The following P2RY12 variants were observed in gnomAD, a reference collection of about 807,000 sequenced individuals.
The protein encoded by P2RY12 is purinergic receptor P2Y12, also known as P2Y purinoceptor 12.
Under a neutral mutation model 4.5 loss-of-function variants are expected in P2RY12, and 3 were observed. The observed-to-expected ratio is 0.67, with a 90% CI of 0.31 to 1.74. P2RY12 has a LOEUF of 1.74. Ranked by LOEUF, P2RY12 falls within the 40% of genes most tolerant of loss-of-function variation. P2RY12 has a pLI of 0.09. For synonymous variants in P2RY12, 148 were observed against 154.1 expected, an observed-to-expected ratio of 0.96 and a Z score of 0.29; for missense variants, 356 against 407.8, an observed-to-expected ratio of 0.87 and a Z score of 1.09.
chr3:151,380,932 A>G (rs1712213798), intron 1 of P2RY12, among the ~76,000 whole-genome samples: 1 of 152,210 alleles, frequency 6.6e-6, no homozygotes, highest in Non-Finnish European at 1.5e-5. Flanking sequence ...CTGTAGGTTC[A>G]GAAACTCAGT....
intron 1 of P2RY12, among the ~76,000 whole-genome samples, chr3:151,362,138 C>T (rs576427056): frequency 5.9e-5 from 9 of 152,092 alleles, no homozygotes; most frequent in Admixed American, 1.3e-4. Context: ...CTCTCTTTAC[C>T]GCTGTGGATA....
At chr3:151,360,823 G>GT (rs1012258696) in intron 1 of P2RY12, among the ~76,000 whole-genome samples, 3 of 151,788 alleles carry the variant, frequency 2.0e-5, no homozygotes, top group South Asian at 2.1e-4. Flanking sequence ...GTGATCATAG[G>GT]TTTTTTTTCC....
intron 1 of P2RY12, among the ~76,000 whole-genome samples, chr3:151,374,608 A>G (rs984950718): frequency 6.6e-6 from 1 of 152,214 alleles, no homozygotes. Context: ...GAACAAACCT[A>G]CCTAAAAGGC....
intron 1 of P2RY12, chr3:151,369,360 G>A: frequency 9.9e-7 from 1 of 1,005,672 alleles, no homozygotes; most frequent in Non-Finnish European, 1.5e-6. Flanking sequence ...ACAATGAAAG[G>A]CTGACTGCCT....
chr3:151,368,610 A>G (rs1202839879), intron 1 of P2RY12, among the ~76,000 whole-genome samples: 2 of 67,648 alleles, frequency 3.0e-5, no homozygotes, highest in African/African-American at 1.4e-4. Flanking sequence ...ATTTTATTTT[A>G]TTTTATTTTA....
rs780489513 is a variant in P2RY12, at chr3:151,338,679, T to C, written c.167A>G (p.Lys56Arg). 3.1e-6 allele frequency: 5 copies of C among 1,613,636 alleles called. No homozygotes were observed. The South Asian group carries it at 4.4e-5, about 14-fold the overall frequency. Residue 56 changes from lysine (K) to arginine (R), a missense_variant, in exon 3 of 3, where the codon AAA becomes AGA. Lys to Arg is a conservative substitution (Grantham distance 26). Coordinates refer to ENST00000302632, the MANE Select transcript of P2RY12 (RefSeq NM_022788.5). Reference sequence around the variant, plus strand: ...CTTAAGAAAAATAATAAAGTTTGATTTACTCCGGATTTGAAAGAAAATCCT... The same window carrying C: ...CTTAAGAAAAATAATAAAGTTTGATCTACTCCGGATTTGAAAGAAAATCCT... ...AMRIFFQIRS[K>R]SNFIIFLKNT...
intron 1 of P2RY12, among the ~76,000 whole-genome samples, chr3:151,353,111 A>G (rs190063138): frequency 2.0e-5 from 3 of 152,318 alleles, no homozygotes; most frequent in Admixed American, 2.0e-4. Flanking sequence ...AGATAAATGG[A>G]GTCCATTAAC....
chr3:151,348,478 T>G (rs1424240794), intron 1 of P2RY12, among the ~76,000 whole-genome samples: 2 of 152,130 alleles, frequency 1.3e-5, no homozygotes, highest in African/African-American at 4.8e-5. Flanking sequence ...TTATGTCATT[T>G]GTATCCTATG....
intron 1 of P2RY12, chr3:151,378,281 G>A (rs1212288206): frequency 3.5e-6 from 4 of 1,136,150 alleles, no homozygotes; most frequent in Non-Finnish European, 3.5e-6. Flanking sequence ...CTGAAATTTA[G>A]TTTTTAAATG....
chr3:151,376,497 T>G (rs1279773137), intron 1 of P2RY12, among the ~76,000 whole-genome samples: 1 of 152,194 alleles, frequency 6.6e-6, no homozygotes, highest in Non-Finnish European at 1.5e-5. Flanking sequence ...ATTAAAGAAA[T>G]ATTGAAATCA....
intron 1 of P2RY12, chr3:151,366,037 T>C: frequency 7.0e-7 from 1 of 1,418,884 alleles, no homozygotes; most frequent in South Asian, 1.7e-5. Context: ...CAATTAAATA[T>C]TTAGTTAGTG....
Position 151,337,175 on chromosome 3 carries a change from TTTC to T in P2RY12, c.*639_*641del, listed in dbSNP as rs1256989691. 1 of 152,124 alleles carries T rather than the reference TTTC, an allele frequency of 6.6e-6. No homozygotes were observed. Among genetic ancestry groups the T allele is most frequent in the African/African-American group, 2.4e-5 (1 of 41,468 alleles). 9.4% of individuals were successfully genotyped at this position (152,124 alleles called of 1,614,324 possible). ...TCTCCTTATTTTAATGACTTCGATA[TTTC>T]TTCTCTTTATTGTAAAGGTCTTCTT... On this transcript the variant is annotated 3_prime_UTR_variant, in exon 3 of 3. Coordinates refer to ENST00000302632, the MANE Select transcript of P2RY12 (RefSeq NM_022788.5).
At chr3:151,383,959 G>A (rs781212706) in intron 1 of P2RY12, 48 of 1,481,802 alleles carry the variant, frequency 3.2e-5, no homozygotes, top group African/African-American at 7.0e-5. Context: ...TACTGATGGC[G>A]ATTTCTGCCA....
At chr3:151,342,473 A>G (rs924183367) in intron 1 of P2RY12, among the ~76,000 whole-genome samples, 1 of 152,222 alleles carries the variant, frequency 6.6e-6, no homozygotes, top group African/African-American at 2.4e-5. Context: ...GGAACTTGCT[A>G]GAAATGCACA....
chr3:151,344,836 A>AGAAAATGTGAGTAAG (rs1752334321), intron 1 of P2RY12, among the ~76,000 whole-genome samples: 1 of 152,240 alleles, frequency 6.6e-6, no homozygotes, highest in South Asian at 2.1e-4. Flanking sequence ...TTGAAATATC[A>AGAAAATGTGAGTAAG]GAAAATGTGA....
In P2RY12 at chr3:151,337,546, C is replaced by T. The variant is rs1751177231; in HGVS notation, c.*271G>A. 2 of 357,270 alleles carry T rather than the reference C, an allele frequency of 5.6e-6. No homozygotes were observed. Among genetic ancestry groups the T allele is most frequent in the East Asian group, 1.0e-4 (2 of 19,626 alleles). 22.1% of individuals were successfully genotyped at this position (357,270 alleles called of 1,614,324 possible). On this transcript the variant is annotated 3_prime_UTR_variant, in exon 3 of 3. Transcript: ENST00000302632. Reference sequence around the variant, plus strand: ...CTCATTTTGGCAAAACTCTGCAAAACATGAATTCTGTGTAGTTTTGCATGC... The same window carrying T: ...CTCATTTTGGCAAAACTCTGCAAAATATGAATTCTGTGTAGTTTTGCATGC...
At chr3:151,377,867 G>T in intron 1 of P2RY12, 1 of 718,012 alleles carries the variant, frequency 1.4e-6, no homozygotes, top group Non-Finnish European at 2.1e-6. Flanking sequence ...TTCGGAAAAA[G>T]GAAAGATAAT....
rs543011867 is a variant in P2RY12 at position 151,359,689 on chromosome 3, T to C, written c.-179-18929A>G. ...AATAAGGATGGTGAATCAGATAGTT[T>C]CTAAAGCTTTTTTCGTCTTTAATAA... On this transcript the variant is annotated intron_variant, in intron 1 of 2. Transcript: ENST00000302632. 9.2e-5 allele frequency among the ~76,000 whole-genome samples: 14 copies of C among 152,288 alleles called. No homozygotes were observed. In the South Asian group the frequency reaches 2.9e-3, roughly 32 times the overall value.
intron 1 of P2RY12, among the ~76,000 whole-genome samples, chr3:151,379,726 G>A (rs748852389): frequency 1.3e-5 from 2 of 152,180 alleles, no homozygotes; most frequent in Non-Finnish European, 2.9e-5. Flanking sequence ...TAAAACAAGA[G>A]TTTTATATGA....
Sources: allele counts gnomAD v4.1 joint callset (sites outside exome capture counted in the v4.1 genomes callset), GRCh38; gene constraint gnomAD v4.1.1; transcripts MANE v1.5; gene names NCBI Gene and HGNC (gene_info 2026-07-23, HGNC 2026-07-21).